BPTF: variants seen among roughly 807,000 people sequenced by gnomAD.
BPTF encodes the protein bromodomain PHD finger transcription factor.
A neutral mutation model predicts 292.5 loss-of-function variants in BPTF; 18 were observed. That is an observed-to-expected ratio of 0.06 (90% CI 0.04 to 0.09). BPTF has a LOEUF of 0.09. Among genes scored for constraint, BPTF ranks in the 10% least tolerant of loss-of-function variants. The pLI is 1.00. For missense variants in BPTF, 2,726 were observed against 3,498.7 expected (o/e 0.78, Z 5.57); for synonymous variants, 1,225 against 1,251.9 (o/e 0.98, Z 0.45).
chr17:67,951,970 A>G lies in BPTF; in HGVS notation c.7926+3664A>G, dbSNP rs1220035332. Among the ~76,000 whole-genome samples the G allele has an allele frequency of 2.1e-5, 3 of 142,440 alleles. No homozygotes were observed. The East Asian group carries it at 6.6e-4, about 31-fold the overall frequency. The allele number at this position is 142,440 out of a possible 152,430, so 93.4% of individuals were successfully genotyped here. A position where few individuals can be genotyped will look rare whatever the true frequency, so the allele number is the denominator to read the frequency against. ...CTCAGGAGGATCAGGCAGGAGAATC[A>G]CTTGAACCCAGAAGGTGGAGGTTGC... On this transcript the variant is annotated intron_variant, in intron 23 of 27. Coordinates refer to ENST00000306378, the MANE Select transcript of BPTF (RefSeq NM_182641.4).
chr17:67,935,548 G>A (rs908493933), intron 18 of BPTF, among the ~76,000 whole-genome samples: 1 of 152,144 alleles, frequency 6.6e-6, no homozygotes, highest in Non-Finnish European at 1.5e-5. Flanking sequence ...TAGGGAAAAG[G>A]GAGGAATATG....
At chr17:67,843,010 C>T (rs968755321) in intron 1 of BPTF, among the ~76,000 whole-genome samples, 1 of 151,216 alleles carries the variant, frequency 6.6e-6, no homozygotes, top group African/African-American at 2.4e-5. Context: ...TTCTTAAGCT[C>T]TTTAAAATAT....
At chr17:67,850,191 T>C (rs1414730728) in intron 1 of BPTF, among the ~76,000 whole-genome samples, 2 of 152,362 alleles carry the variant, frequency 1.3e-5, no homozygotes, top group East Asian at 3.8e-4. Flanking sequence ...TAGCTTATTA[T>C]ATGCTAGCCA....
chr17:67,933,148 C>T (rs1055666920), intron 18 of BPTF, among the ~76,000 whole-genome samples: 28 of 151,736 alleles, frequency 1.8e-4, no homozygotes, highest in African/African-American at 6.5e-4. Context: ...AGCTACTCTA[C>T]TCGGGAGGCT....
chr17:67,864,334 C>T (rs925735460), intron 2 of BPTF, among the ~76,000 whole-genome samples: 6 of 151,926 alleles, frequency 3.9e-5, no homozygotes, highest in African/African-American at 9.7e-5. Context: ...CAAGACTAGC[C>T]TGGCCAACAT....
chr17:67,971,803 G>C (rs1425851357), intron 26 of BPTF, among the ~76,000 whole-genome samples: 1 of 149,364 alleles, frequency 6.7e-6, no homozygotes, highest in Non-Finnish European at 1.5e-5. Context: ...ACTTCAGCCT[G>C]GGCAATAGAG....
chr17:67,839,612 A>G (rs1191330281), intron 1 of BPTF, among the ~76,000 whole-genome samples: 2 of 152,138 alleles, frequency 1.3e-5, no homozygotes, highest in Admixed American at 6.6e-5. Context: ...AGATTCATCT[A>G]TGTTGTTGTG....
chr17:67,888,914 G>T (rs1438985600), intron 4 of BPTF, among the ~76,000 whole-genome samples: 1 of 152,100 alleles, frequency 6.6e-6, no homozygotes, highest in Non-Finnish European at 1.5e-5. Flanking sequence ...CAGGTTTGGG[G>T]TTTTTTCTGA....
chr17:67,891,312 A>G (rs897683531), intron 4 of BPTF: 1 of 152,264 alleles, frequency 6.6e-6, no homozygotes, highest in African/African-American at 2.4e-5. Context: ...ATTAGGTTAT[A>G]AAAAACTAAT....
intron 2 of BPTF, among the ~76,000 whole-genome samples, chr17:67,863,856 C>T (rs537960535): frequency 1.3e-5 from 2 of 152,334 alleles, no homozygotes; most frequent in Non-Finnish European, 2.9e-5. Flanking sequence ...TACTGTGAGT[C>T]ATTAACCTTC....
intron 3 of BPTF, among the ~76,000 whole-genome samples, chr17:67,869,722 G>A (rs1199762315): frequency 1.3e-5 from 2 of 151,052 alleles, no homozygotes; most frequent in Admixed American, 6.6e-5. Flanking sequence ...AGTGGCTCAC[G>A]CCTGTAATCC....
chr17:67,955,745 T>A (rs1256327526), intron 23 of BPTF: 1 of 151,942 alleles, frequency 6.6e-6, no homozygotes, highest in Non-Finnish European at 1.5e-5. Context: ...GAGAATCACT[T>A]GAATCCTGAA....
chr17:67,878,930 T>C (rs1011863167), intron 4 of BPTF, among the ~76,000 whole-genome samples: 35 of 152,282 alleles, frequency 2.3e-4, no homozygotes, highest in African/African-American at 8.4e-4. Context: ...TTCCTTGTTA[T>C]ATATTATAGC....
At chr17:67,881,799 C>T (rs974374507) in intron 4 of BPTF, among the ~76,000 whole-genome samples, 4 of 150,530 alleles carry the variant, frequency 2.7e-5, no homozygotes, top group African/African-American at 9.8e-5. Context: ...CCCACCTGGC[C>T]CAGAATCAGT....
rs375696457 is a variant in BPTF at position 67,911,402 on chromosome 17, G to A, written c.3518G>A (p.Arg1173Gln). 13 of 1,613,878 alleles carry A rather than the reference G, an allele frequency of 8.1e-6. No individual in the cohort carries two copies. Among genetic ancestry groups the A allele is most frequent in the African/African-American group, 1.3e-5 (1 of 74,886 alleles). Residue 1173 changes from arginine (R) to glutamine (Q), a missense_variant, in exon 11 of 28, where the codon CGG becomes CAG. Transcript: ENST00000306378. Reference sequence around the variant, plus strand: ...CGAGTGTTAGATGATGTCTCCATTCGGAGCCCAGAAACAAAATGTCCGAAA... The same window carrying A: ...CGAGTGTTAGATGATGTCTCCATTCAGAGCCCAGAAACAAAATGTCCGAAA... ...KDRVLDDVSI[R>Q]SPETKCPKQN...
intron 7 of BPTF, among the ~76,000 whole-genome samples, chr17:67,898,661 C>CTT (rs11289448): frequency 3.7e-5 from 5 of 136,824 alleles, no homozygotes; most frequent in African/African-American, 1.1e-4. Flanking sequence ...TATATGAAGT[C>CTT]TTTTTTTTTT....
intron 1 of BPTF, among the ~76,000 whole-genome samples, chr17:67,829,739 G>A (rs1287930621): frequency 6.6e-6 from 1 of 152,118 alleles, no homozygotes; most frequent in Non-Finnish European, 1.5e-5. Context: ...GCTGAAAGAG[G>A]AATTTACCTT....
rs1598135179 is a variant in BPTF at position 67,837,462 on chromosome 17, C to T, written c.613+11125C>T. On this transcript the variant is annotated intron_variant, in intron 1 of 27. Coordinates refer to ENST00000306378, the MANE Select transcript of BPTF (RefSeq NM_182641.4). ...TTGCTCTGTCGCCCAGGCTGGAGTG[C>T]AGTGGCATGATCTCAGCTCACTGCA... 2.0e-5 allele frequency among the ~76,000 whole-genome samples: 3 copies of T among 151,460 alleles called. No individual in the cohort carries two copies. In the South Asian group the frequency reaches 6.2e-4, roughly 31 times the overall value.
At chr17:67,919,221 AATAT>A (rs2063274223) in intron 12 of BPTF, among the ~76,000 whole-genome samples, 1 of 142,636 alleles carries the variant, frequency 7.0e-6, no homozygotes, top group Non-Finnish European at 1.5e-5. Flanking sequence ...ATAATAATAA[AATAT>A]AATGCTTGTT....
Sources: allele counts gnomAD v4.1 joint callset (sites outside exome capture counted in the v4.1 genomes callset), GRCh38; gene constraint gnomAD v4.1.1; transcripts MANE v1.5; gene names NCBI Gene and HGNC (gene_info 2026-07-23, HGNC 2026-07-21).